Variants in SMC6 observed in about 807,000 individuals in gnomAD.
SMC6 encodes the protein structural maintenance of chromosomes 6.
A neutral mutation model predicts 142.2 loss-of-function variants in SMC6; 79 were observed. That is an observed-to-expected ratio of 0.56 (90% confidence interval 0.46 to 0.67). SMC6 has a LOEUF of 0.67. Among genes scored for constraint, SMC6 ranks in the 30% least tolerant of loss-of-function variants. SMC6 has a pLI of 0.00. For missense variants in SMC6, 1,072 were observed against 1,284.0 expected (o/e 0.83, Z 2.52); for synonymous variants, 411 against 412.4 (o/e 1.00, Z 0.04).
intron 13 of SMC6, 90 bp downstream of exon 13, chr2:17,716,998 A>G: frequency 6.6e-7 from 1 of 1,517,070 alleles, no homozygotes; most frequent in African/African-American, 1.4e-5. Context: ...TTCCATTAAC[A>G]ACAATACATA....
intron 25 of SMC6, among the ~76,000 whole-genome samples, chr2:17,676,143 C>A (rs1666986519): frequency 6.6e-6 from 1 of 152,118 alleles, no homozygotes; most frequent in Non-Finnish European, 1.5e-5. Flanking sequence ...CCAATGAGTT[C>A]TTAATTTCAG....
At chr2:17,732,164 C>T (rs1167235348) in intron 5 of SMC6, among the ~76,000 whole-genome samples, 6 of 152,056 alleles carry the variant, frequency 3.9e-5, no homozygotes, top group Admixed American at 1.3e-4. Flanking sequence ...CATTAAGTTT[C>T]GGTTGTTTCA....
At position 17,718,036 on chromosome 2, in the gene SMC6, T is replaced by C. The variant is rs746477503; in HGVS notation, c.1092+41A>G. The C allele has an allele frequency of 1.9e-6, 3 of 1,568,756 alleles. No individual in the cohort carries two copies. The East Asian group carries it at 6.8e-5, about 36-fold the overall frequency. ...ATAGAAGAACAGCCTTTATATTTGC[T>C]GTGTGGCTTTTAAAATTCCAGTTTA... On this transcript the variant is annotated intron_variant, in intron 12 of 27. Transcript: ENST00000448223.
chr2:17,683,641 C>T lies in SMC6; in HGVS notation c.2801G>A (p.Arg934Lys), dbSNP rs150288069. 1.9e-6 allele frequency: 3 copies of T among 1,608,098 alleles called. No homozygotes were observed. Among genetic ancestry groups the T allele is most frequent in the Non-Finnish European group, 2.5e-6 (3 of 1,176,948 alleles). The change falls in exon 24 of 28, where the codon AGA becomes AAA. Residue 934 changes from arginine to lysine, a missense_variant. Transcript: ENST00000448223. ...TAACATTTTTCAATGTACTTACCTT[C>T]TAAATTGTTGATATGTCTTGAATCT... ...EHRFKTYQQF[R>K]RCLTLRCKLY...
rs1302789190 is a variant in SMC6 at position 17,707,256 on chromosome 2, G to C, written c.1969C>G (p.Pro657Ala). The change falls in exon 18 of 28, where the codon CCT (proline) becomes GCT (alanine). Residue 657 changes from proline (P) to alanine (A), a missense_variant. Around this residue, in one of 3 missense-constraint regions of SMC6, gnomAD observed 994 missense variants for 1,153.2 expected, o/e 0.86. Coordinates refer to ENST00000448223, the MANE Select transcript of SMC6 (RefSeq NM_001142286.2). ...TCCACATCTCTGCTTAGGAACTTAG[G>C]TCTTGTATTTTCAGATGAATAATAA... Reference protein sequence around the residue: ...GRYYSSENTRPKFLSRDVDSE... With the variant: ...GRYYSSENTRAKFLSRDVDSE... 5.6e-6 allele frequency: 9 copies of C among 1,599,918 alleles called. No homozygotes were observed. The highest frequency in any genetic ancestry group is 7.7e-6 in the Non-Finnish European group (9 of 1,173,980).
At chr2:17,711,504 T>C (rs1172677963) in intron 16 of SMC6, among the ~76,000 whole-genome samples, 1 of 152,186 alleles carries the variant, frequency 6.6e-6, no homozygotes, top group Admixed American at 6.5e-5. Flanking sequence ...AAAATGATTT[T>C]TTTTCATCCT....
At chr2:17,682,872 G>C (rs970425904) in intron 24 of SMC6, among the ~76,000 whole-genome samples, 5 of 135,144 alleles carry the variant, frequency 3.7e-5, no homozygotes, top group Admixed American at 3.6e-4. Context: ...AGGAATATAA[G>C]AGCTAGGTAC....
Position 17,726,440 on chromosome 2 carries a change from T to C in SMC6, c.573A>G (p.Gln191=). Residue 191 remains glutamine, a synonymous_variant, in exon 8 of 28, where the codon CAA becomes CAG. Coordinates refer to ENST00000448223, the MANE Select transcript of SMC6 (RefSeq NM_001142286.2). ...QVDNPVSVLT[Q]EMSKQFLQSK... is the part of the protein sequence containing the mutation. ...ACTGTAAGAACTGCTTGCTCATTTC[T>C]TGTGTTAAAACAGAAACTGGATTAT... is the stretch of plus-strand genomic sequence containing the variant. 6.2e-7 allele frequency: 1 copy of C among 1,612,062 alleles called. No individual in the cohort carries two copies. Among genetic ancestry groups the C allele is most frequent in the Non-Finnish European group, 8.5e-7 (1 of 1,179,494 alleles).
chr2:17,693,113 T>A (rs190492446), intron 23 of SMC6, among the ~76,000 whole-genome samples: 1 of 152,316 alleles, frequency 6.6e-6, no homozygotes, highest in African/African-American at 2.4e-5. Context: ...TGATGGGGAC[T>A]GTAAACTAGT....
chr2:17,715,636 C>A (rs2124994782), intron 15 of SMC6, among the ~76,000 whole-genome samples: 1 of 151,688 alleles, frequency 6.6e-6, no homozygotes, highest in Non-Finnish European at 1.5e-5. Flanking sequence ...TTTTAAGTAC[C>A]ATGTATATGT....
chr2:17,723,247 T>C (rs1265281633), intron 9 of SMC6, among the ~76,000 whole-genome samples: 1 of 152,210 alleles, frequency 6.6e-6, no homozygotes, highest in East Asian at 1.9e-4. Flanking sequence ...CTTTGGACAA[T>C]GATAATGCCT....
intron 2 of SMC6, among the ~76,000 whole-genome samples, chr2:17,751,117 C>T (rs1269968314): frequency 6.7e-6 from 1 of 149,582 alleles, no homozygotes; most frequent in Non-Finnish European, 1.5e-5. Flanking sequence ...ACACTTAATA[C>T]TAAATGCCAT....
chr2:17,726,375 T>G lies in SMC6; in HGVS notation c.624+14A>C, dbSNP rs370024880. The G allele has an allele frequency of 3.1e-6, 5 of 1,596,972 alleles. No individual in the cohort carries two copies. Among genetic ancestry groups the G allele is most frequent in the Non-Finnish European group, 2.6e-6 (3 of 1,168,176 alleles). On this transcript the variant is annotated intron_variant, in intron 8 of 27. Coordinates refer to ENST00000448223, the MANE Select transcript of SMC6 (RefSeq NM_001142286.2). ...CTTTTTAAATGGGTTTATATTTACT[T>G]TGGTGCCACTTACTTTGTATTTGTC... is the stretch of plus-strand genomic sequence containing the variant.
At chr2:17,721,833 C>G (rs1163861538) in intron 9 of SMC6, among the ~76,000 whole-genome samples, 3 of 152,018 alleles carry the variant, frequency 2.0e-5, no homozygotes, top group Middle Eastern at 6.8e-3. Flanking sequence ...GTAGCTGGGA[C>G]TACAGGCATG....
chr2:17,749,965 C>T (rs772758693), intron 2 of SMC6, among the ~76,000 whole-genome samples: 11 of 152,184 alleles, frequency 7.2e-5, no homozygotes, highest in Admixed American at 2.0e-4. Flanking sequence ...TTCTACTCTG[C>T]CTATCACAAC....
intron 7 of SMC6, among the ~76,000 whole-genome samples, chr2:17,730,398 G>GAAA (rs199786807): frequency 5.6e-5 from 6 of 107,892 alleles, no homozygotes; most frequent in African/African-American, 1.2e-4. Context: ...CACTCATCCA[G>GAAA]AAAAAAAAAA....
intron 4 of SMC6, among the ~76,000 whole-genome samples, chr2:17,740,979 A>G (rs1005290139): frequency 6.6e-6 from 1 of 152,176 alleles, no homozygotes; most frequent in Admixed American, 6.5e-5. Flanking sequence ...GATCCTCAAC[A>G]ATATTGCCTA....
rs369318236 is a variant in SMC6 at position 17,707,289 on chromosome 2, C to A, written c.1936G>T (p.Ala646Ser). The A allele has an allele frequency of 2.9e-5, 46 of 1,603,106 alleles. No individual in the cohort carries two copies. The East Asian group carries it at 5.0e-4, about 17-fold the overall frequency. ...AFTADGDQVF[A>S]GRYYSSENTR... is the part of the protein sequence containing the mutation. Reference sequence around the variant, plus strand: ...TTTTCAGATGAATAATAACGTCCTGCAAAAACTTGATCACCATCAGCAGTA... The same window carrying A: ...TTTTCAGATGAATAATAACGTCCTGAAAAAACTTGATCACCATCAGCAGTA... Residue 646 changes from alanine (A) to serine (S), a missense_variant, in exon 18 of 28, where the codon GCA becomes TCA. Physicochemically the swap from Ala to Ser is moderately conservative, Grantham distance 99 (BLOSUM62 1). This residue lies in a region of SMC6 where 994 missense variants were observed against 1,153.2 expected (regional missense o/e 0.86). Transcript: ENST00000448223.
intron 7 of SMC6, among the ~76,000 whole-genome samples, chr2:17,728,770 A>G (rs1403787784): frequency 1.3e-5 from 2 of 151,866 alleles, no homozygotes; most frequent in Non-Finnish European, 2.9e-5. Flanking sequence ...TTTTTTTGAA[A>G]CAGGGTCTCG....
Sources: gnomAD v4.1 joint callset for allele counts (sites outside exome capture counted in the v4.1 genomes callset) on GRCh38, gnomAD v4.1.1 for gene constraint, gnomAD v4.1.1 regional missense constraint, MANE v1.5 for transcripts, NCBI Gene and HGNC (gene_info 2026-07-23, HGNC 2026-07-21) for gene names.